ANKRD30B: variants seen among roughly 807,000 people sequenced by gnomAD.
ANKRD30B encodes the protein ankyrin repeat domain-containing protein 30B.
Under a neutral mutation model 202.2 loss-of-function variants are expected in ANKRD30B, and 144 were observed. The observed-to-expected ratio is 0.71, with a 90% CI of 0.62 to 0.82. The LOEUF (loss-of-function observed/expected upper bound fraction) is 0.82, where lower values mean the gene tolerates loss of function less well. ANKRD30B is among the 40% of genes least tolerant of loss of function. The pLI is 0.00. For missense variants in ANKRD30B, 1,487 were observed against 1,669.1 expected (o/e 0.89, Z 1.90); for synonymous variants, 508 against 561.3 (o/e 0.91, Z 1.34).
downstream of ANKRD30B, among the ~76,000 whole-genome samples, chr18:14,856,288 A>G (rs1598729854): frequency 1.2e-5 from 1 of 83,936 alleles, no homozygotes; most frequent in African/African-American, 4.6e-5. Context: ...GAGAAATGCC[A>G]CTCCCCATTC....
At chr18:14,826,691 T>TTACACACACA (rs1970678444) in intron 32 of ANKRD30B, among the ~76,000 whole-genome samples, 1 of 83,770 alleles carries the variant, frequency 1.2e-5, no homozygotes, top group Non-Finnish European at 2.5e-5. Context: ...TCTCTCTCTC[T>TTACACACACA]CTCACACACA....
chr18:14,860,775 G>A, the ANKRD30B span, among the ~76,000 whole-genome samples: 4 of 151,916 alleles, frequency 2.6e-5, no homozygotes, highest in South Asian at 2.1e-4. Flanking sequence ...TGTGATGTCA[G>A]CTCACTGCAA....
In ANKRD30B at chr18:14,784,252, T is replaced by C. The variant is rs150693597; in HGVS notation, c.1571-84T>C. ...CATTCTCAAAGTCAACCAAGAGGAC[T>C]CAGTTAGATACTATCACTGCATTCA... On this transcript the variant is annotated intron_variant, in intron 12 of 43. Transcript: ENST00000690538. 28 of 1,359,796 alleles carry C rather than the reference T, an allele frequency of 2.1e-5. No homozygotes were observed. In the African/African-American group the frequency reaches 3.6e-4, roughly 18 times the overall value. 84.2% of individuals were successfully genotyped at this position (1,359,796 alleles called of 1,614,324 possible).
chr18:14,865,670 G>T, the ANKRD30B span, among the ~76,000 whole-genome samples: 1 of 146,500 alleles, frequency 6.8e-6, no homozygotes, highest in Non-Finnish European at 1.5e-5. Flanking sequence ...GCCTTCTCCA[G>T]CTCACCATCC....
intron 30 of ANKRD30B, among the ~76,000 whole-genome samples, chr18:14,821,511 G>A (rs533049264): frequency 1.1e-4 from 17 of 152,234 alleles, no homozygotes; most frequent in East Asian, 7.8e-4. Context: ...AGGCTGGAGC[G>A]CAGTGGCACG....
chr18:14,809,914 A>G (rs1000338274), intron 26 of ANKRD30B, 72 bp from the exon 27 acceptor site: 25 of 1,283,232 alleles, frequency 1.9e-5, no homozygotes, highest in Non-Finnish European at 2.8e-5. Flanking sequence ...CTTCATATTC[A>G]CACTCTATGA....
At chr18:14,787,197 T>A (rs534187020) in intron 15 of ANKRD30B, 97 bp downstream of exon 15, 1 of 1,064,826 alleles carries the variant, frequency 9.4e-7, no homozygotes, top group South Asian at 1.6e-5. Context: ...TCTGCATATG[T>A]CACCCCCAAA....
intron 30 of ANKRD30B, among the ~76,000 whole-genome samples, chr18:14,815,982 C>G: frequency 6.6e-6 from 1 of 152,148 alleles, no homozygotes; most frequent in East Asian, 1.9e-4. Context: ...CTGATCAATT[C>G]ATAACACTTT....
intron 16 of ANKRD30B, among the ~76,000 whole-genome samples, chr18:14,791,830 A>G (rs1968533294): frequency 6.6e-6 from 1 of 152,228 alleles, no homozygotes; most frequent in Non-Finnish European, 1.5e-5. Flanking sequence ...GCAGGTTTAT[A>G]TAATGGAGGA....
chr18:14,805,676 A>G (rs1969465579), intron 24 of ANKRD30B, among the ~76,000 whole-genome samples: 1 of 151,018 alleles, frequency 6.6e-6, no homozygotes, highest in African/African-American at 2.4e-5. Context: ...ATTTGTAATG[A>G]TATAAATTAT....
intron 22 of ANKRD30B, among the ~76,000 whole-genome samples, chr18:14,799,971 C>T (rs1969206904): frequency 6.6e-6 from 1 of 151,986 alleles, no homozygotes; most frequent in East Asian, 1.9e-4. Context: ...TGGCACATGC[C>T]TGTAATCCTG....
chr18:14,867,604 T>C, the ANKRD30B span, among the ~76,000 whole-genome samples: 2 of 151,572 alleles, frequency 1.3e-5, no homozygotes, highest in Non-Finnish European at 2.9e-5. Context: ...AGGCATGGAG[T>C]AGTGGGCACC....
chr18:14,749,670 C>CAAAAAAAAA (rs55960708), intron 1 of ANKRD30B, among the ~76,000 whole-genome samples: 23 of 61,190 alleles, frequency 3.8e-4, no homozygotes, highest in South Asian at 1.9e-3. Flanking sequence ...GACTCTGTCT[C>CAAAAAAAAA]AAAAAAAAAA....
At chr18:14,766,422 G>A (rs1324537226) in intron 7 of ANKRD30B, among the ~76,000 whole-genome samples, 17 of 121,448 alleles carry the variant, frequency 1.4e-4, no homozygotes, top group African/African-American at 4.0e-4. Context: ...GCAGTGAGCC[G>A]AGATCTCACC....
In ANKRD30B at chr18:14,818,966, A is replaced by G. The variant is rs553021228; in HGVS notation, c.2642-3517A>G. ...ACTTCCACAATGGTTGAACTAGTTTACAGTCCCACCAACAGTGTCAAAGTG... is the reference window on the plus strand; with the variant it reads ...ACTTCCACAATGGTTGAACTAGTTTGCAGTCCCACCAACAGTGTCAAAGTG... On this transcript the variant is annotated intron_variant, in intron 30 of 43. Coordinates refer to ENST00000690538, the MANE Select transcript of ANKRD30B (RefSeq NM_001367607.2). 6.6e-3 allele frequency among the ~76,000 whole-genome samples: 1,005 copies of G among 152,162 alleles called. 19 individuals are homozygous for G. Among genetic ancestry groups the G allele is most frequent in the African/African-American group, 0.023 (964 of 41,528 alleles).
At position 14,752,822 on chromosome 18, in the gene ANKRD30B, T is replaced by C. The variant is rs1473780705; in HGVS notation, c.337-17T>C. Reference sequence around the variant, plus strand: ...TTCCTATAATTTATAATGTACTTCTTGCTTTAATACTGACAGGCTCTACAA... The same window carrying C: ...TTCCTATAATTTATAATGTACTTCTCGCTTTAATACTGACAGGCTCTACAA... On this transcript the variant is annotated splice_polypyrimidine_tract_variant and intron_variant, in intron 2 of 43. Coordinates refer to ENST00000690538, the MANE Select transcript of ANKRD30B (RefSeq NM_001367607.2). 6.3e-7 allele frequency: 1 copy of C among 1,599,126 alleles called. No individual in the cohort carries two copies. The highest frequency in any genetic ancestry group is 8.5e-7 in the Non-Finnish European group (1 of 1,172,232).
chr18:14,775,689 A>G (rs993630752), intron 9 of ANKRD30B, among the ~76,000 whole-genome samples: 1 of 152,242 alleles, frequency 6.6e-6, no homozygotes. Context: ...GCAGCCACAT[A>G]GGTATCAAAT....
chr18:14,909,332 C>T, the ANKRD30B span, among the ~76,000 whole-genome samples: 4 of 152,124 alleles, frequency 2.6e-5, no homozygotes, highest in East Asian at 1.9e-4. Context: ...TGATGTTTGT[C>T]GGACACTTGC....
chr18:14,870,111 C>G, the ANKRD30B span, among the ~76,000 whole-genome samples: 1 of 152,214 alleles, frequency 6.6e-6, no homozygotes, highest in Non-Finnish European at 1.5e-5. Context: ...GTTGGGATTA[C>G]AGGAGTGAGC....
Sources: allele counts gnomAD v4.1 joint callset (sites outside exome capture counted in the v4.1 genomes callset), GRCh38; gene constraint gnomAD v4.1.1; transcripts MANE v1.5; gene names NCBI Gene and HGNC (gene_info 2026-07-23, HGNC 2026-07-21).